Variants in FAM83F observed in about 807,000 individuals in gnomAD.
The protein encoded by FAM83F is protein FAM83F.
In FAM83F, 45 loss-of-function variants were observed where a neutral mutation model predicts 42.9. The ratio of observed to expected loss-of-function variants is 1.05; its 90% CI spans 0.83 to 1.35. FAM83F has a LOEUF of 1.35. Among genes scored for constraint, FAM83F ranks in the 40% most tolerant of loss-of-function variants. The pLI is 0.00. For synonymous variants in FAM83F, 306 were observed against 298.3 expected, an observed-to-expected ratio of 1.03 and a Z score of -0.27; for missense variants, 617 against 695.9, an observed-to-expected ratio of 0.89 and a Z score of 1.28.
chr22:40,012,463 G>A (rs772221918), intron 1 of FAM83F, among the ~76,000 whole-genome samples: 1 of 151,886 alleles, frequency 6.6e-6, no homozygotes, highest in Non-Finnish European at 1.5e-5. Flanking sequence ...GAATTTTTCT[G>A]ATTACTAATG....
intron 1 of FAM83F, among the ~76,000 whole-genome samples, chr22:40,017,999 G>C (rs2067500812): frequency 1.3e-5 from 2 of 152,242 alleles, no homozygotes; most frequent in Non-Finnish European, 2.9e-5. Context: ...AAAGCCTTCA[G>C]CTGGAGCGTG....
Position 39,995,813 on chromosome 22 carries a change from C to T in FAM83F, c.489+282C>T, listed in dbSNP as rs1278902069. On this transcript the variant is annotated intron_variant, in intron 1 of 4. Coordinates refer to ENST00000333407, the MANE Select transcript of FAM83F (RefSeq NM_138435.4). This position sits in a 1 kb window ranked among gnomAD's most constrained non-coding sequence, Gnocchi z 4.6. ...GTACTTCTGAAACTTCCCTGTCCAG[C>T]CTTCCTCCCCAGGGAAGACTGGGGG... is the stretch of plus-strand genomic sequence containing the variant. Among the ~76,000 whole-genome samples, 2 of 152,210 alleles carry T rather than the reference C, an allele frequency of 1.3e-5. No homozygotes were observed. Among genetic ancestry groups the T allele is most frequent in the African/African-American group, 4.8e-5 (2 of 41,462 alleles).
At chr22:40,012,406 A>T (rs1334183934) in intron 1 of FAM83F, among the ~76,000 whole-genome samples, 1 of 151,842 alleles carries the variant, frequency 6.6e-6, no homozygotes, top group Non-Finnish European at 1.5e-5. Flanking sequence ...AAGTGTTGGG[A>T]TTACAGGCGT....
rs925053840 is a variant in FAM83F at position 40,035,679 on chromosome 22, T to G, written c.*6114T>G. On this transcript the variant is annotated 3_prime_UTR_variant, in exon 5 of 5. Coordinates refer to ENST00000333407, the MANE Select transcript of FAM83F (RefSeq NM_138435.4). ...CAGGCAAGGGCTGAAATCCTATCTC[T>G]GCCACCGAACAGCTAATGACCCCAG... is the stretch of plus-strand genomic sequence containing the variant. 3.9e-5 allele frequency: 6 copies of G among 152,274 alleles called. No individual in the cohort carries two copies. Among genetic ancestry groups the G allele is most frequent in the Admixed American group, 2.0e-4 (3 of 15,284 alleles). The allele number at this position is 152,274 out of a possible 1,614,324, so 9.4% of individuals were successfully genotyped here.
chr22:40,006,872 C>T (rs539625156), intron 1 of FAM83F, among the ~76,000 whole-genome samples: 26 of 152,244 alleles, frequency 1.7e-4, no homozygotes, highest in Non-Finnish European at 3.2e-4. Context: ...CATTGCTGCA[C>T]GGTGACCCTG....
rs2067641947 is a variant in FAM83F, at chr22:40,039,428, T to G, written c.*9863T>G. The G allele has an allele frequency of 6.6e-6, 1 of 152,208 alleles. No individual in the cohort carries two copies. Among genetic ancestry groups the G allele is most frequent in the Non-Finnish European group, 1.5e-5 (1 of 68,046 alleles). The allele number at this position is 152,208 out of a possible 1,614,324, so 9.4% of individuals were successfully genotyped here. On this transcript the variant is annotated 3_prime_UTR_variant, in exon 5 of 5. Transcript: ENST00000333407. ...CTGGCCTGGTATGTGGGTTAAAATG[T>G]TAGGTTTTATCATTATCTTAGGTGG...
At chr22:40,011,687 T>C (rs910407091) in intron 1 of FAM83F, among the ~76,000 whole-genome samples, 22 of 152,254 alleles carry the variant, frequency 1.4e-4, no homozygotes, top group Admixed American at 1.0e-3. Flanking sequence ...TTACGGCACA[T>C]GGAACTAGTT....
At position 40,029,633 on chromosome 22, in the gene FAM83F, A is replaced by G. The variant is rs372715384; in HGVS notation, c.*68A>G. 6.4e-7 allele frequency: 1 copy of G among 1,572,738 alleles called. No individual in the cohort carries two copies. Among genetic ancestry groups the G allele is most frequent in the Non-Finnish European group, 8.6e-7 (1 of 1,158,552 alleles). ...CCCTGCCCTGTGCTGTGGAGAGCGC[A>G]GGTCGCACACTGCACCAGTTTGCAC... On this transcript the variant is annotated 3_prime_UTR_variant, in exon 5 of 5. Transcript: ENST00000333407.
At position 40,040,497 on chromosome 22, in the gene FAM83F, T is replaced by C. The variant is rs1029678092; in HGVS notation, c.*10932T>C. 8 of 152,220 alleles carry C rather than the reference T, an allele frequency of 5.3e-5. No homozygotes were observed. The highest frequency in any genetic ancestry group is 2.9e-5 in the Non-Finnish European group (2 of 68,048). 9.4% of individuals were successfully genotyped at this position (152,220 alleles called of 1,614,324 possible). On this transcript the variant is annotated 3_prime_UTR_variant, in exon 5 of 5. Coordinates refer to ENST00000333407, the MANE Select transcript of FAM83F (RefSeq NM_138435.4). ...TCTCTTGTGAGCTGCCTCCTGTGTG[T>C]CTAGCATTGGCCAGCACACATGAGG... is the stretch of plus-strand genomic sequence containing the variant.
At chr22:39,998,001 G>A (rs1004978192) in intron 1 of FAM83F, 10 of 152,340 alleles carry the variant, frequency 6.6e-5, no homozygotes, top group Non-Finnish European at 1.2e-4. Context: ...GACTTGCCCA[G>A]AGGTCACGTG....
intron 1 of FAM83F, among the ~76,000 whole-genome samples, chr22:40,013,340 T>C (rs1008637573): frequency 2.0e-5 from 3 of 152,214 alleles, no homozygotes; most frequent in African/African-American, 4.8e-5. Context: ...GTAAGCCAGC[T>C]TTCCCAGTTG....
In FAM83F at chr22:40,023,695, T is replaced by C. The variant is rs999644272; in HGVS notation, c.1453+1732T>C. ...GCCCCTGCTGCCGCTCTCTGGTGTC[T>C]GCACATGGTGCCCAGGAGCCAGCCT... On this transcript the variant is annotated intron_variant, in intron 4 of 4. Coordinates refer to ENST00000333407, the MANE Select transcript of FAM83F (RefSeq NM_138435.4). The surrounding 1 kb of genome is among the most constrained non-coding windows in gnomAD (Gnocchi z 4.1). Among the ~76,000 whole-genome samples, 2 of 152,228 alleles carry C rather than the reference T, an allele frequency of 1.3e-5. No homozygotes were observed. Among genetic ancestry groups the C allele is most frequent in the African/African-American group, 4.8e-5 (2 of 41,456 alleles).
rs2067642146 is a variant in FAM83F at position 40,039,479 on chromosome 22, T to C, written c.*9914T>C. The C allele has an allele frequency of 6.6e-6, 1 of 152,208 alleles. No homozygotes were observed. Among genetic ancestry groups the C allele is most frequent in the African/African-American group, 2.4e-5 (1 of 41,456 alleles). The allele number at this position is 152,208 out of a possible 1,614,324, so 9.4% of individuals were successfully genotyped here. A position where few individuals can be genotyped will look rare whatever the true frequency, so the allele number is the denominator to read the frequency against. On this transcript the variant is annotated 3_prime_UTR_variant, in exon 5 of 5. Transcript: ENST00000333407. The stretch of plus-strand genomic sequence containing the variant: ...AGAATAACAAATCCGATTCAATATA[T>C]TCATTTTAGAAACGAGGAAACTGAA...
In FAM83F at chr22:40,031,179, G is replaced by A. The variant is rs1244231105; in HGVS notation, c.*1614G>A. On this transcript the variant is annotated 3_prime_UTR_variant, in exon 5 of 5. Coordinates refer to ENST00000333407, the MANE Select transcript of FAM83F (RefSeq NM_138435.4). ...CTTTTATGAAGGTGAAATGCTTCTG[G>A]GAAGTGTTTCCTTAGGCACCAAGAC... The A allele has an allele frequency of 6.6e-6, 1 of 151,884 alleles. No individual in the cohort carries two copies. The highest frequency in any genetic ancestry group is 1.5e-5 in the Non-Finnish European group (1 of 67,984). 9.4% of individuals were successfully genotyped at this position (151,884 alleles called of 1,614,324 possible).
rs1334401084 is a variant in FAM83F, at chr22:39,995,165, C to T, written c.123C>T (p.Gly41=). 7.1e-7 allele frequency: 1 copy of T among 1,401,110 alleles called. No homozygotes were observed. Among genetic ancestry groups the T allele is most frequent in the Non-Finnish European group, 9.2e-7 (1 of 1,086,682 alleles). The allele number at this position is 1,401,110 out of a possible 1,614,324, so 86.8% of individuals were successfully genotyped here. ...RRAALEALLG[G]GEQAYRERLK... is the part of the protein sequence containing the mutation. Reference sequence around the variant, plus strand: ...CCGCGCTGGAGGCGCTGCTGGGCGGCGGCGAGCAGGCCTACCGCGAGCGGC... The same window carrying T: ...CCGCGCTGGAGGCGCTGCTGGGCGGTGGCGAGCAGGCCTACCGCGAGCGGC... Residue 41 remains glycine (G), a synonymous_variant, in exon 1 of 5, where the codon GGC becomes GGT. Coordinates refer to ENST00000333407, the MANE Select transcript of FAM83F (RefSeq NM_138435.4). This position sits in a 1 kb window ranked among gnomAD's most constrained non-coding sequence, Gnocchi z 4.6.
Position 40,037,676 on chromosome 22 carries a change from C to A in FAM83F, c.*8111C>A, listed in dbSNP as rs2067632959. ...TTCATAAATGTACATAAGCACCCATCAGGTGCCAAGCCCTGTGCTGAGATG... is the reference window on the plus strand; with the variant it reads ...TTCATAAATGTACATAAGCACCCATAAGGTGCCAAGCCCTGTGCTGAGATG... On this transcript the variant is annotated 3_prime_UTR_variant, in exon 5 of 5. Transcript: ENST00000333407. 1 of 152,236 alleles carries A rather than the reference C, an allele frequency of 6.6e-6. No homozygotes were observed. Among genetic ancestry groups the A allele is most frequent in the Non-Finnish European group, 1.5e-5 (1 of 68,052 alleles). The allele number at this position is 152,236 out of a possible 1,614,324, so 9.4% of individuals were successfully genotyped here.
At position 40,031,795 on chromosome 22, in the gene FAM83F, G is replaced by T. The variant is rs1431466007; in HGVS notation, c.*2230G>T. 1 of 152,228 alleles carries T rather than the reference G, an allele frequency of 6.6e-6. No homozygotes were observed. The highest frequency in any genetic ancestry group is 2.4e-5 in the African/African-American group (1 of 41,448). The allele number at this position is 152,228 out of a possible 1,614,324, so 9.4% of individuals were successfully genotyped here. On this transcript the variant is annotated 3_prime_UTR_variant, in exon 5 of 5. Transcript: ENST00000333407. ...TAGCAGTGTGGACAAGATGGTGTCG[G>T]CACCCCCCGCTCCAAAAGGCTTGAG...
At chr22:40,022,027 C>A in intron 4 of FAM83F, 64 bp downstream of exon 4, 1 of 1,384,896 alleles carries the variant, frequency 7.2e-7, no homozygotes, top group South Asian at 1.4e-5. Flanking sequence ...CGCATCGGCT[C>A]TTATCCAGGA....
At chr22:40,006,542 C>T (rs1159021189) in intron 1 of FAM83F, among the ~76,000 whole-genome samples, 1 of 152,216 alleles carries the variant, frequency 6.6e-6, no homozygotes, top group African/African-American at 2.4e-5. Context: ...AAACAAGGAC[C>T]TCAACAAAGA....
Sources: gnomAD v4.1 joint callset for allele counts (sites outside exome capture counted in the v4.1 genomes callset) on GRCh38, gnomAD v4.1.1 for gene constraint, Gnocchi (gnomAD v3.1) non-coding constraint, MANE v1.5 for transcripts, NCBI Gene and HGNC (gene_info 2026-07-23, HGNC 2026-07-21) for gene names.